The following PTGER3 variants were observed in gnomAD, a reference collection of about 807,000 sequenced individuals.
PTGER3 encodes the protein prostaglandin E2 receptor EP3 subtype.
Under a neutral mutation model 34.7 loss-of-function variants are expected in PTGER3, and 22 were observed. The ratio of observed to expected loss-of-function variants is 0.63; its 90% CI spans 0.45 to 0.91. PTGER3 has a LOEUF of 0.91. Ranked by LOEUF, PTGER3 falls within the 40% of genes least tolerant of loss-of-function variation. The probability of loss-of-function intolerance (pLI) is 0.00; values close to 1 mark genes in which losing one functional copy is unlikely to be tolerated. For synonymous variants in PTGER3, 241 were observed against 230.1 expected (o/e 1.05, Z -0.43); for missense variants, 468 against 519.4 (o/e 0.90, Z 0.96).
chr1:70,872,851 A>G (rs1380243105), intron 4 of PTGER3, among the ~76,000 whole-genome samples: 1 of 152,172 alleles, frequency 6.6e-6, no homozygotes, highest in Admixed American at 6.5e-5. Context: ...AGATGTAGTC[A>G]TTGGTCCTTT....
chr1:71,027,173 AT>A (rs992284119), intron 1 of PTGER3, among the ~76,000 whole-genome samples: 28 of 152,040 alleles, frequency 1.8e-4, no homozygotes, highest in Admixed American at 1.5e-3. Context: ...TTCTTTTGTT[AT>A]TTTTTTTAAG....
intron 4 of PTGER3, among the ~76,000 whole-genome samples, chr1:70,938,931 T>C (rs1442668111): frequency 6.6e-6 from 1 of 152,138 alleles, no homozygotes; most frequent in Non-Finnish European, 1.5e-5. Flanking sequence ...AAACCAGTCA[T>C]GCCTTCCCAA....
chr1:71,009,002 A>C, intron 2 of PTGER3: 3 of 983,884 alleles, frequency 3.0e-6, no homozygotes, highest in Non-Finnish European at 3.6e-6. Context: ...AAAGTTTTCT[A>C]TTTTCTTTTT....
At chr1:71,030,041 T>C (rs1557758508) in intron 1 of PTGER3, among the ~76,000 whole-genome samples, 1 of 152,064 alleles carries the variant, frequency 6.6e-6, no homozygotes, top group Non-Finnish European at 1.5e-5. Context: ...TTTGTAGGTA[T>C]TTGAGACAAA....
At chr1:70,935,672 A>AATATATATATATATAT (rs10577850) in intron 4 of PTGER3, among the ~76,000 whole-genome samples, 30 of 140,214 alleles carry the variant, frequency 2.1e-4, no homozygotes, top group African/African-American at 4.4e-4. Context: ...TACAAATATA[A>AATATATATATATATAT]ATATATATAT....
chr1:70,920,371 C>T (rs1249042802), intron 4 of PTGER3, among the ~76,000 whole-genome samples: 1 of 152,126 alleles, frequency 6.6e-6, no homozygotes, highest in Non-Finnish European at 1.5e-5. Flanking sequence ...ATTTCTAGCC[C>T]TTGTGTAACT....
At chr1:70,915,189 G>A (rs1163295030) in intron 4 of PTGER3, among the ~76,000 whole-genome samples, 4 of 151,902 alleles carry the variant, frequency 2.6e-5, no homozygotes, top group East Asian at 1.9e-4. Context: ...CCATTGGTAT[G>A]TGAGCTTCAA....
chr1:70,880,821 C>G (rs1646376417), intron 4 of PTGER3, among the ~76,000 whole-genome samples: 2 of 152,088 alleles, frequency 1.3e-5, no homozygotes, highest in South Asian at 2.1e-4. Context: ...CCCCTTCTCT[C>G]TAGCTGCCTT....
chr1:70,882,140 C>T (rs1454402934), intron 4 of PTGER3, among the ~76,000 whole-genome samples: 1 of 152,328 alleles, frequency 6.6e-6, no homozygotes, highest in African/African-American at 2.4e-5. Flanking sequence ...GCAGGCTTTG[C>T]CTGCTAGCTG....
chr1:71,047,808 TG>T lies in PTGER3; in HGVS notation c.-232del. 1 of 380,116 alleles carries T rather than the reference TG, an allele frequency of 2.6e-6. No homozygotes were observed. Among genetic ancestry groups the T allele is most frequent in the Non-Finnish European group, 4.4e-6 (1 of 225,512 alleles). 23.5% of individuals were successfully genotyped at this position (380,116 alleles called of 1,614,324 possible). Reference sequence around the variant, plus strand: ...GCCTTCCTCTCTGGGAAACCTCTGGTGGCGAGGCGCGCGGAGGTGCCGAGTC... The same window carrying T: ...GCCTTCCTCTCTGGGAAACCTCTGGTGCGAGGCGCGCGGAGGTGCCGAGTC... On this transcript the variant is annotated 5_prime_UTR_variant, in exon 1 of 4. Coordinates refer to ENST00000306666, the MANE Select transcript of PTGER3 (RefSeq NM_198719.2).
intron 4 of PTGER3, among the ~76,000 whole-genome samples, chr1:70,933,039 G>A (rs535308005): frequency 5.1e-4 from 77 of 152,088 alleles, no homozygotes; most frequent in Admixed American, 2.0e-3. Context: ...TATCTATTGT[G>A]TTATAATTAT....
At chr1:70,952,320 A>G (rs1650839530), downstream of PTGER3, 1 of 741,274 alleles carries the variant, frequency 1.3e-6, no homozygotes, top group African/African-American at 1.9e-5. Flanking sequence ...GGGGTTATGA[A>G]CCCTGCCTTC....
At chr1:70,964,028 G>A (rs1652247508) in intron 2 of PTGER3, among the ~76,000 whole-genome samples, 1 of 152,148 alleles carries the variant, frequency 6.6e-6, no homozygotes, top group South Asian at 2.1e-4. Flanking sequence ...CTTTGCTAAA[G>A]CACAGCAAAA....
rs548117391 is a variant in PTGER3 at position 71,004,509 on chromosome 1, T to C, written c.1077+7796A>G. ...AGATAAAATGAAGCTTCTGCAGCTT[T>C]GTTATACAGACTAAATATGCAAACA... is the stretch of plus-strand genomic sequence containing the variant. On this transcript the variant is annotated intron_variant, in intron 2 of 3. Transcript: ENST00000306666. Among the ~76,000 whole-genome samples, 19 of 152,338 alleles carry C rather than the reference T, an allele frequency of 1.2e-4. No individual in the cohort carries two copies. In the South Asian group the frequency reaches 2.9e-3, roughly 23 times the overall value.
intron 4 of PTGER3, among the ~76,000 whole-genome samples, chr1:70,932,085 T>TC (rs1648760529): frequency 6.6e-6 from 1 of 152,154 alleles, no homozygotes; most frequent in Non-Finnish European, 1.5e-5. Context: ...TAATCATCTC[T>TC]CTCAAGTTCA....
At chr1:70,894,123 C>T (rs562054817) in intron 4 of PTGER3, among the ~76,000 whole-genome samples, 8 of 151,954 alleles carry the variant, frequency 5.3e-5, no homozygotes, top group Non-Finnish European at 8.8e-5. Context: ...GCCTGGCCAA[C>T]GTGGTGAAAC....
chr1:71,018,772 T>A (rs567720905), intron 1 of PTGER3, among the ~76,000 whole-genome samples: 1 of 152,340 alleles, frequency 6.6e-6, no homozygotes, highest in South Asian at 2.1e-4. Flanking sequence ...TTTGTGAGGC[T>A]AATAATTTAA....
intron 4 of PTGER3, among the ~76,000 whole-genome samples, chr1:70,891,970 G>T (rs1572567898): frequency 6.6e-6 from 1 of 152,292 alleles, no homozygotes; most frequent in South Asian, 2.1e-4. Flanking sequence ...TCTTTACTAT[G>T]AAATCTCACT....
intron 4 of PTGER3, among the ~76,000 whole-genome samples, chr1:70,876,263 A>G (rs797000618): frequency 2.9e-4 from 43 of 146,542 alleles, no homozygotes; most frequent in African/African-American, 1.0e-3. Flanking sequence ...GTTCATGTCC[A>G]TGCCTACTTT....
Sources: gnomAD v4.1 joint callset for allele counts (sites outside exome capture counted in the v4.1 genomes callset) on GRCh38, gnomAD v4.1.1 for gene constraint, MANE v1.5 for transcripts, NCBI Gene and HGNC (gene_info 2026-07-23, HGNC 2026-07-21) for gene names.